Variants in TJP3 observed in about 807,000 individuals in gnomAD.
The protein encoded by TJP3 is tight junction protein 3.
Under a neutral mutation model 104.2 loss-of-function variants are expected in TJP3, and 85 were observed. The ratio of observed to expected loss-of-function variants is 0.82; its 90% CI spans 0.68 to 0.98. The LOEUF (loss-of-function observed/expected upper bound fraction) is 0.98, where lower values mean the gene tolerates loss of function less well. Ranked by LOEUF, TJP3 falls within the 50% of genes least tolerant of loss-of-function variation. The pLI is 0.00. For missense variants in TJP3, 1,367 were observed against 1,322.8 expected (o/e 1.03, Z -0.52); for synonymous variants, 550 against 550.6 (o/e 1.00, Z 0.02).
At chr19:3,741,133 C>T (rs1474309242) in intron 14 of TJP3, among the ~76,000 whole-genome samples, 5 of 151,852 alleles carry the variant, frequency 3.3e-5, no homozygotes, top group Admixed American at 1.3e-4. Context: ...CCCAAGTAAC[C>T]GGGATTACAG....
chr19:3,740,099 G>A (rs2036792788), intron 13 of TJP3, among the ~76,000 whole-genome samples: 1 of 152,110 alleles, frequency 6.6e-6, no homozygotes, highest in Non-Finnish European at 1.5e-5. Context: ...GGGCGTGGTG[G>A]TGCATACCTG....
intron 10 of TJP3, 48 bp downstream of exon 10, chr19:3,735,983 A>G: frequency 6.2e-7 from 1 of 1,608,876 alleles, no homozygotes; most frequent in Non-Finnish European, 8.5e-7. Context: ...CCTACATCCC[A>G]GGCTGCCTCC....
At chr19:3,719,534 G>C (rs1376907006) in intron 1 of TJP3, among the ~76,000 whole-genome samples, 1 of 151,590 alleles carries the variant, frequency 6.6e-6, no homozygotes, top group Non-Finnish European at 1.5e-5. Flanking sequence ...CCAGGAGTTC[G>C]AGACCAGCCT....
chr19:3,742,974 TAAGTA>T (rs2036842918), intron 14 of TJP3, among the ~76,000 whole-genome samples: 1 of 132,096 alleles, frequency 7.6e-6, no homozygotes, highest in Non-Finnish European at 1.6e-5. Flanking sequence ...CTCAAAAAAA[TAAGTA>T]AATAGGCCAC....
intron 1 of TJP3, among the ~76,000 whole-genome samples, chr19:3,709,362 C>T (rs568989264): frequency 3.3e-5 from 5 of 152,320 alleles, no homozygotes; most frequent in African/African-American, 1.2e-4. Flanking sequence ...TCCCAAAGTG[C>T]TGGGATTACA....
intron 1 of TJP3, among the ~76,000 whole-genome samples, chr19:3,715,159 G>A (rs1440621896): frequency 3.3e-5 from 5 of 150,094 alleles, no homozygotes; most frequent in South Asian, 4.2e-4. Context: ...GCGCAATCTC[G>A]GCTCACTGCA....
intron 19 of TJP3, among the ~76,000 whole-genome samples, chr19:3,748,527 C>G (rs755996441): frequency 6.0e-5 from 9 of 150,610 alleles, no homozygotes; most frequent in Non-Finnish European, 1.3e-4. Context: ...CTTGGCCTCC[C>G]AAAGTGCTGG....
At chr19:3,712,023 G>A (rs999294612) in intron 1 of TJP3, among the ~76,000 whole-genome samples, 14 of 150,364 alleles carry the variant, frequency 9.3e-5, no homozygotes, top group African/African-American at 2.9e-4. Context: ...TGTTCTTTCA[G>A]TTCTCCTCTG....
intron 1 of TJP3, among the ~76,000 whole-genome samples, chr19:3,716,801 A>ATTTTTTT (rs1215459660): frequency 3.9e-4 from 32 of 81,930 alleles, no homozygotes; most frequent in African/African-American, 1.5e-3. Flanking sequence ...ATATATATAT[A>ATTTTTTT]TTTTTTTTTT....
intron 1 of TJP3, among the ~76,000 whole-genome samples, chr19:3,715,663 C>T (rs1304630410): frequency 6.6e-6 from 1 of 152,118 alleles, no homozygotes; most frequent in Non-Finnish European, 1.5e-5. Flanking sequence ...ACATTTGGGG[C>T]CAGATCCTTC....
chr19:3,735,895 A>C lies in TJP3; in HGVS notation c.1087A>C (p.Ile363Leu). Reference protein sequence around the residue: ...SELPRESSYDIYRVPSSQSME... With the variant: ...SELPRESSYDLYRVPSSQSME... ...GTTGCCCAGGGAAAGCAGCTATGAC[A>C]TCTACAGAGTGCCCAGCAGTCAGAG... Residue 363 changes from isoleucine (I) to leucine (L), a missense_variant, in exon 10 of 21, where the codon ATC becomes CTC. Ile to Leu is a conservative substitution (Grantham distance 5, BLOSUM62 2). Transcript: ENST00000541714. 6.2e-7 allele frequency: 1 copy of C among 1,614,188 alleles called. No individual in the cohort carries two copies. Among genetic ancestry groups the C allele is most frequent in the Non-Finnish European group, 8.5e-7 (1 of 1,180,044 alleles).
intron 1 of TJP3, among the ~76,000 whole-genome samples, chr19:3,726,022 G>A (rs2036592396): frequency 6.6e-6 from 1 of 152,226 alleles, no homozygotes; most frequent in Non-Finnish European, 1.5e-5. Flanking sequence ...AGGAATGCTG[G>A]CCTCGCTAGA....
At chr19:3,719,668 G>A (rs570809167) in intron 1 of TJP3, among the ~76,000 whole-genome samples, 40 of 151,008 alleles carry the variant, frequency 2.6e-4, no homozygotes, top group African/African-American at 9.5e-4. Flanking sequence ...CCCGGGAGGC[G>A]GAGCTTGCAG....
Position 3,739,140 on chromosome 19 carries a change from G to C in TJP3, c.1631+6G>C, listed in dbSNP as rs1449949008. On this transcript the variant is annotated splice_donor_region_variant and intron_variant, in intron 13 of 20. Transcript: ENST00000541714. ...ATCATTCCCAACCAGAGCAGGTGGG[G>C]ACTGTGTGCTCCTGCAGTGGGGCAC... is the stretch of plus-strand genomic sequence containing the variant. 2 of 1,527,954 alleles carry C rather than the reference G, an allele frequency of 1.3e-6. No homozygotes were observed. The highest frequency in any genetic ancestry group is 1.8e-6 in the Non-Finnish European group (2 of 1,136,752). The allele number at this position is 1,527,954 out of a possible 1,614,324, so 94.6% of individuals were successfully genotyped here.
At chr19:3,735,800 A>G in intron 9 of TJP3, 69 bp from the exon 10 acceptor site, 3 of 1,604,732 alleles carry the variant, frequency 1.9e-6, no homozygotes, top group Non-Finnish European at 1.7e-6. Flanking sequence ...GGATGAGGAC[A>G]TAAAGCAAAG....
intron 15 of TJP3, among the ~76,000 whole-genome samples, chr19:3,744,977 G>A (rs2036867149): frequency 6.6e-6 from 1 of 151,894 alleles, no homozygotes; most frequent in Non-Finnish European, 1.5e-5. Flanking sequence ...GCTGGGTGTG[G>A]TGGCTCACAT....
At chr19:3,717,953 C>T (rs1228763243) in intron 1 of TJP3, among the ~76,000 whole-genome samples, 2 of 149,810 alleles carry the variant, frequency 1.3e-5, no homozygotes, top group Non-Finnish European at 3.0e-5. Context: ...CGATGGCTCA[C>T]GCCTATAATC....
Position 3,728,610 on chromosome 19 carries a change from C to G in TJP3, c.55C>G (p.Arg19Gly). ...TCCCCTCATCCTCTCTCAGGACCCC[C>G]GCCGGGGCTTTGGCATTGCGATCTC... ...QHTATLSKDP[R>G]RGFGIAISGG... is the part of the protein sequence containing the mutation. Residue 19 changes from arginine to glycine, a missense_variant, in exon 3 of 21, where the codon CGC (arginine) becomes GGC (glycine). Coordinates refer to ENST00000541714, the MANE Select transcript of TJP3 (RefSeq NM_001267560.2). The G allele has an allele frequency of 6.2e-7, 1 of 1,612,554 alleles. No homozygotes were observed. Among genetic ancestry groups the G allele is most frequent in the East Asian group, 2.2e-5 (1 of 44,856 alleles).
chr19:3,718,566 T>A (rs931576615), intron 1 of TJP3, among the ~76,000 whole-genome samples: 2 of 151,454 alleles, frequency 1.3e-5, no homozygotes, highest in Non-Finnish European at 2.9e-5. Context: ...CCTCCCAGGT[T>A]TAAGTAATTC....
Sources: gnomAD v4.1 joint callset for allele counts (sites outside exome capture counted in the v4.1 genomes callset) on GRCh38, gnomAD v4.1.1 for gene constraint, MANE v1.5 for transcripts, NCBI Gene and HGNC (gene_info 2026-07-23, HGNC 2026-07-21) for gene names.